PTPRD: variants seen among roughly 807,000 people sequenced by gnomAD.
PTPRD encodes the protein receptor-type tyrosine-protein phosphatase delta.
In PTPRD, 34 loss-of-function variants were observed where a neutral mutation model predicts 214.5. That is an observed-to-expected ratio of 0.16 (90% CI 0.12 to 0.21). The LOEUF is 0.21. Among genes scored for constraint, PTPRD ranks in the 10% least tolerant of loss-of-function variants. The probability of loss-of-function intolerance (pLI) is 1.00; values close to 1 mark genes in which losing one functional copy is unlikely to be tolerated. For synonymous variants in PTPRD, 1,128 were observed against 845.7 expected (o/e 1.33, Z -5.79); for missense variants, 2,545 against 2,398.7 (o/e 1.06, Z -1.27).
At chr9:10,482,265 G>C (rs952061670) in intron 2 of PTPRD, among the ~76,000 whole-genome samples, 1 of 151,956 alleles carries the variant, frequency 6.6e-6, no homozygotes, top group African/African-American at 2.4e-5. Context: ...CAGCTACTGA[G>C]GAGGCTGAGG....
chr9:9,853,741 G>A (rs2060996768), intron 5 of PTPRD, among the ~76,000 whole-genome samples: 1 of 151,924 alleles, frequency 6.6e-6, no homozygotes, highest in African/African-American at 2.4e-5. Flanking sequence ...TAGAGACGGG[G>A]TTTCACCATG....
intron 10 of PTPRD, among the ~76,000 whole-genome samples, chr9:9,069,530 C>T (rs972107633): frequency 2.0e-5 from 3 of 152,244 alleles, no homozygotes; most frequent in South Asian, 4.1e-4. Context: ...GAAGAGTTAT[C>T]ATGATGCTAC....
intron 6 of PTPRD, among the ~76,000 whole-genome samples, chr9:9,738,634 G>A (rs2098343770): frequency 6.6e-6 from 1 of 151,604 alleles, no homozygotes; most frequent in Admixed American, 6.6e-5. Context: ...TAGAGATGGG[G>A]TTTCACCATG....
In PTPRD at chr9:9,684,693, T is replaced by TTGTGTGTGTGTGTGTG. The variant is rs138242584; in HGVS notation, c.-287+49824_-287+49839dup. 2.2e-3 allele frequency among the ~76,000 whole-genome samples: 335 copies of TTGTGTGTGTGTGTGTG among 149,144 alleles called. 1 individual carries two copies. The highest frequency in any genetic ancestry group is 7.6e-3 in the African/African-American group (313 of 40,976). ...TTTTATAAGCATTGAAATACAGCAT[T>TTGTGTGTGTGTGTGTG]TGTGTGTGTGTGTGTGTATGTGTGT... On this transcript the variant is annotated intron_variant, in intron 7 of 45. Transcript: ENST00000381196.
At chr9:9,363,412 C>G (rs1347540299) in intron 9 of PTPRD, among the ~76,000 whole-genome samples, 1 of 151,380 alleles carries the variant, frequency 6.6e-6, no homozygotes, top group East Asian at 2.0e-4. Context: ...AATGGATTCT[C>G]AAACATTTCT....
At chr9:8,825,491 G>C (rs992803037) in intron 11 of PTPRD, among the ~76,000 whole-genome samples, 1 of 152,108 alleles carries the variant, frequency 6.6e-6, no homozygotes, top group South Asian at 2.1e-4. Context: ...TTTTATAGGA[G>C]TACACTTAAC....
intron 3 of PTPRD, among the ~76,000 whole-genome samples, chr9:10,277,219 C>T (rs1027528155): frequency 1.4e-5 from 2 of 145,530 alleles, no homozygotes; most frequent in Middle Eastern, 3.4e-3. Flanking sequence ...AAACATACAA[C>T]ATAAACATAA....
chr9:9,901,286 G>C (rs2076338618), intron 5 of PTPRD, among the ~76,000 whole-genome samples: 1 of 152,106 alleles, frequency 6.6e-6, no homozygotes, highest in Non-Finnish European at 1.5e-5. Context: ...ACAATTTTCA[G>C]AGTTCATTAA....
At chr9:9,432,696 G>A (rs946462526) in intron 8 of PTPRD, among the ~76,000 whole-genome samples, 2 of 152,178 alleles carry the variant, frequency 1.3e-5, no homozygotes, top group Admixed American at 1.3e-4. Context: ...ATTTCACAAT[G>A]CTAAGCAATA....
chr9:9,610,327 A>G (rs1472510604), intron 7 of PTPRD, among the ~76,000 whole-genome samples: 1 of 152,246 alleles, frequency 6.6e-6, no homozygotes, highest in Non-Finnish European at 1.5e-5. Context: ...TAACAAAATT[A>G]GATCACACAG....
rs772334766 is a variant in PTPRD at position 8,316,311 on chromosome 9, G to A, written c.*1563C>T. ...GGAAATACGAACCAAAAGCTAAAAA[G>A]AAATGCTATTAAAATAGGCATCAAT... On this transcript the variant is annotated 3_prime_UTR_variant, in exon 46 of 46. Coordinates refer to ENST00000381196, the MANE Select transcript of PTPRD (RefSeq NM_002839.4). 4.3e-6 allele frequency: 1 copy of A among 230,912 alleles called. No homozygotes were observed. Among genetic ancestry groups the A allele is most frequent in the African/African-American group, 2.2e-5 (1 of 45,150 alleles). The allele number at this position is 230,912 out of a possible 1,614,324, so 14.3% of individuals were successfully genotyped here.
chr9:10,000,209 A>T (rs1588566501), intron 4 of PTPRD, among the ~76,000 whole-genome samples: 1 of 152,198 alleles, frequency 6.6e-6, no homozygotes, highest in Non-Finnish European at 1.5e-5. Context: ...ATGTACATAA[A>T]CATCTAGTGG....
At chr9:9,556,318 G>T (rs940550994) in intron 8 of PTPRD, among the ~76,000 whole-genome samples, 2 of 152,106 alleles carry the variant, frequency 1.3e-5, no homozygotes, top group African/African-American at 4.8e-5. Flanking sequence ...GAAGAGGAGG[G>T]GTTGGTCTTG....
At chr9:10,240,339 G>T (rs1463368210) in intron 3 of PTPRD, among the ~76,000 whole-genome samples, 1 of 151,800 alleles carries the variant, frequency 6.6e-6, no homozygotes, top group Non-Finnish European at 1.5e-5. Context: ...AGGGGTTTCA[G>T]CCATGACCCT....
At chr9:10,222,080 T>C (rs568788825) in intron 3 of PTPRD, among the ~76,000 whole-genome samples, 1 of 152,156 alleles carries the variant, frequency 6.6e-6, no homozygotes, top group Non-Finnish European at 1.5e-5. Context: ...GATCACAATG[T>C]ATAAAATCAC....
intron 14 of PTPRD, among the ~76,000 whole-genome samples, chr9:8,624,317 G>A (rs2095936116): frequency 6.6e-6 from 1 of 151,896 alleles, no homozygotes; most frequent in Non-Finnish European, 1.5e-5. Flanking sequence ...TATGTTTTCA[G>A]ATTGTTGTAT....
chr9:8,337,138 C>T (rs1457103395), intron 43 of PTPRD, among the ~76,000 whole-genome samples: 1 of 152,162 alleles, frequency 6.6e-6, no homozygotes, highest in African/African-American at 2.4e-5. Flanking sequence ...ACTATAAAGA[C>T]ACATGCACAC....
At chr9:8,821,082 G>A (rs1367295186) in intron 11 of PTPRD, among the ~76,000 whole-genome samples, 1 of 152,120 alleles carries the variant, frequency 6.6e-6, no homozygotes, top group Non-Finnish European at 1.5e-5. Context: ...AGTGAAAAAA[G>A]GTATGATCAG....
chr9:9,292,826 A>G (rs1951642532), intron 9 of PTPRD, among the ~76,000 whole-genome samples: 1 of 150,318 alleles, frequency 6.7e-6, no homozygotes, highest in South Asian at 2.1e-4. Context: ...ATGTTCCTCT[A>G]TGGGAATTTT....
Sources: gnomAD v4.1 joint callset for allele counts (sites outside exome capture counted in the v4.1 genomes callset) on GRCh38, gnomAD v4.1.1 for gene constraint, MANE v1.5 for transcripts, NCBI Gene and HGNC (gene_info 2026-07-23, HGNC 2026-07-21) for gene names.